The following MAGI2 variants were observed in gnomAD, a reference collection of about 807,000 sequenced individuals.
MAGI2 encodes the protein membrane associated guanylate kinase, WW and PDZ domain containing 2.
Under a neutral mutation model 133.3 loss-of-function variants are expected in MAGI2, and 35 were observed. That is an observed-to-expected ratio of 0.26 (90% CI 0.20 to 0.35). The LOEUF (loss-of-function observed/expected upper bound fraction) is 0.35, where lower values mean the gene tolerates loss of function less well. Among genes scored for constraint, MAGI2 ranks in the 10% least tolerant of loss-of-function variants. The pLI is 1.00. For synonymous variants in MAGI2, 729 were observed against 710.6 expected, an observed-to-expected ratio of 1.03 and a Z score of -0.41; for missense variants, 1,636 against 1,863.4, an observed-to-expected ratio of 0.88 and a Z score of 2.25.
At chr7:79,399,081 T>TTTCTTTTTTTTTTTTG in intron 1 of MAGI2, among the ~76,000 whole-genome samples, 1 of 138,082 alleles carries the variant, frequency 7.2e-6, no homozygotes, top group African/African-American at 3.0e-5. Flanking sequence ...TATTATTTCT[T>TTTCTTTTTTTTTTTTG]TTTTTTTTCT....
chr7:79,012,894 C>T (rs75911199), intron 1 of MAGI2, among the ~76,000 whole-genome samples: 6,671 of 152,248 alleles, frequency 0.044, 218 homozygotes, highest in South Asian at 0.1. Context: ...GCCATCTTCT[C>T]ATTATATCCA....
intron 2 of MAGI2, among the ~76,000 whole-genome samples, chr7:78,671,126 CACTT>C (rs1814332774): frequency 6.6e-6 from 1 of 152,104 alleles, no homozygotes; most frequent in African/African-American, 2.4e-5. Flanking sequence ...CATCCTCAGG[CACTT>C]ACTTAATTTG....
chr7:78,851,938 T>A (rs991461471), intron 2 of MAGI2, among the ~76,000 whole-genome samples: 2 of 152,166 alleles, frequency 1.3e-5, no homozygotes, highest in Non-Finnish European at 2.9e-5. Context: ...ATACCTGCTA[T>A]CTGTGTATTT....
chr7:78,430,830 C>T (rs564978087), intron 6 of MAGI2, among the ~76,000 whole-genome samples: 26 of 152,102 alleles, frequency 1.7e-4, no homozygotes, highest in African/African-American at 4.8e-4. Flanking sequence ...CAGTTAACAC[C>T]GCAAAGGGAT....
chr7:79,192,013 T>G (rs1827716590), intron 1 of MAGI2, among the ~76,000 whole-genome samples: 1 of 151,836 alleles, frequency 6.6e-6, no homozygotes, highest in Non-Finnish European at 1.5e-5. Context: ...CTAGTTGAAT[T>G]TATTGATATC....
chr7:78,327,718 C>T (rs1455006008), intron 9 of MAGI2, among the ~76,000 whole-genome samples: 1 of 152,096 alleles, frequency 6.6e-6, no homozygotes, highest in Non-Finnish European at 1.5e-5. Context: ...AATGAATGAG[C>T]AAGTGGATGC....
chr7:78,106,514 C>A (rs1483461423), intron 20 of MAGI2, among the ~76,000 whole-genome samples: 2 of 152,102 alleles, frequency 1.3e-5, no homozygotes, highest in Non-Finnish European at 1.5e-5. Context: ...TCCTTACCAG[C>A]ATTTGTTACT....
At position 79,297,156 on chromosome 7, in the gene MAGI2, A is replaced by G. The variant is rs181708298; in HGVS notation, c.301+155864T>C. ...TGTGCAGGCAATGACAAATTCATAC[A>G]TCACAACCACCACCTGGCCTACAGT... On this transcript the variant is annotated intron_variant, in intron 1 of 21. Transcript: ENST00000354212. Among the ~76,000 whole-genome samples, 106 of 152,320 alleles carry G rather than the reference A, an allele frequency of 7.0e-4. 1 individual carries two copies. Among genetic ancestry groups the G allele is most frequent in the Admixed American group, 4.0e-3 (61 of 15,304 alleles).
chr7:79,202,336 T>G (rs1057055304), intron 1 of MAGI2, among the ~76,000 whole-genome samples: 3 of 151,928 alleles, frequency 2.0e-5, no homozygotes, highest in Non-Finnish European at 4.4e-5. Flanking sequence ...GTCACTTAAT[T>G]GGGAATGAGG....
rs1808061123 is a variant in MAGI2 at position 78,019,396 on chromosome 7, G to A, written c.4287C>T (p.Val1429=). 5 of 1,214,742 alleles carry A rather than the reference G, an allele frequency of 4.1e-6. No homozygotes were observed. The highest frequency in any genetic ancestry group is 5.1e-6 in the Non-Finnish European group (5 of 978,118). 75.2% of individuals were successfully genotyped at this position (1,214,742 alleles called of 1,614,324 possible). Residue 1429 remains valine (V), a synonymous_variant, in exon 22 of 22, where the codon GTC becomes GTT. Coordinates refer to ENST00000354212, the MANE Select transcript of MAGI2 (RefSeq NM_012301.4). ...CCGGCACCTTCCAGGGCCCCGGCGC[G>A]ACGGCGGCCTTGCGCGCCGGGGCGC... ...PGGAPARKAA[V]APGPWKVPGS... is the part of the protein sequence containing the mutation.
rs542500031 is a variant in MAGI2 at position 78,062,598 on chromosome 7, T to C, written c.3706+16349A>G. On this transcript the variant is annotated intron_variant, in intron 21 of 21. Transcript: ENST00000354212. ...CCCTCTCCTGATTTTCTTCACCAAC[T>C]TCTCTTACTTCCCTGTCCAATGTGG... 9.2e-5 allele frequency among the ~76,000 whole-genome samples: 14 copies of C among 152,334 alleles called. No homozygotes were observed. In the South Asian group the frequency reaches 2.9e-3, roughly 32 times the overall value.
intron 9 of MAGI2, among the ~76,000 whole-genome samples, chr7:78,300,894 T>A (rs73700761): frequency 2.0e-5 from 3 of 152,186 alleles, no homozygotes; most frequent in African/African-American, 7.2e-5. Context: ...CTGATCTCAA[T>A]TGGGAGGCGT....
In MAGI2 at chr7:79,287,669, T is replaced by C. The variant is rs183808277; in HGVS notation, c.301+165351A>G. Among the ~76,000 whole-genome samples the C allele has an allele frequency of 5.1e-3, 783 of 152,258 alleles. 5 individuals carry two copies. The highest frequency in any genetic ancestry group is 0.018 in the African/African-American group (739 of 41,558). ...AGGATAATACCTGCTTTGCAGGACC[T>C]TTGCTAGCATTAAGGTGCCTAGCAC... On this transcript the variant is annotated intron_variant, in intron 1 of 21. Transcript: ENST00000354212.
At chr7:79,009,215 T>A (rs1467510254) in intron 1 of MAGI2, 1 of 152,150 alleles carries the variant, frequency 6.6e-6, no homozygotes, top group African/African-American at 2.4e-5. Context: ...TATTATCAGT[T>A]TAAACCTTTT....
Position 79,028,235 on chromosome 7 carries a change from G to GTGTA in MAGI2, c.302-21030_302-21029insTACA, listed in dbSNP as rs1491124887. Among the ~76,000 whole-genome samples the GTGTA allele has an allele frequency of 1.1e-3, 33 of 29,318 alleles. 1 individual carries two copies. Among genetic ancestry groups the GTGTA allele is most frequent in the African/African-American group, 2.5e-3 (27 of 10,872 alleles). The allele number at this position is 29,318 out of a possible 152,430, so 19.2% of individuals were successfully genotyped here. A position where few individuals can be genotyped will look rare whatever the true frequency, so the allele number is the denominator to read the frequency against. ...CAAAAAAATATATATATATATGTATGTATATATATATATATATATATATAT... is the reference window on the plus strand; with the variant it reads ...CAAAAAAATATATATATATATGTATGTGTATATATATATATATATATATATATAT... On this transcript the variant is annotated intron_variant, in intron 1 of 21. Coordinates refer to ENST00000354212, the MANE Select transcript of MAGI2 (RefSeq NM_012301.4).
chr7:79,248,124 A>G (rs1161289577), intron 1 of MAGI2, among the ~76,000 whole-genome samples: 1 of 152,194 alleles, frequency 6.6e-6, no homozygotes. Context: ...CAAGAATTAC[A>G]CTTGACCCAT....
chr7:79,193,192 T>C (rs1302063485), intron 1 of MAGI2, among the ~76,000 whole-genome samples: 1 of 151,932 alleles, frequency 6.6e-6, no homozygotes, highest in Non-Finnish European at 1.5e-5. Context: ...AATGGCTTTC[T>C]AAGAAGTAAG....
intron 3 of MAGI2, among the ~76,000 whole-genome samples, chr7:78,603,405 C>T (rs1003814912): frequency 1.3e-5 from 2 of 152,130 alleles, no homozygotes; most frequent in African/African-American, 4.8e-5. Flanking sequence ...GCTCTGATGT[C>T]ATTTAGGATG....
chr7:79,264,629 G>A (rs1834312639), intron 1 of MAGI2, among the ~76,000 whole-genome samples: 1 of 152,088 alleles, frequency 6.6e-6, no homozygotes, highest in South Asian at 2.1e-4. Flanking sequence ...AGCTAAAAGA[G>A]ATTAGTTACT....
Sources: gnomAD v4.1 joint callset for allele counts (sites outside exome capture counted in the v4.1 genomes callset) on GRCh38, gnomAD v4.1.1 for gene constraint, MANE v1.5 for transcripts, NCBI Gene and HGNC (gene_info 2026-07-23, HGNC 2026-07-21) for gene names.